The following SEC24B variants were observed in gnomAD, a reference collection of about 807,000 sequenced individuals.
SEC24B encodes the protein protein transport protein Sec24B.
Under a neutral mutation model 142.8 loss-of-function variants are expected in SEC24B, and 45 were observed. That is an observed-to-expected ratio of 0.32 (90% CI 0.25 to 0.40). The LOEUF is 0.40. Among genes scored for constraint, SEC24B ranks in the 10% least tolerant of loss-of-function variants. The probability of loss-of-function intolerance (pLI) is 1.00; values close to 1 mark genes in which losing one functional copy is unlikely to be tolerated. For synonymous variants in SEC24B, 574 were observed against 568.2 expected, an observed-to-expected ratio of 1.01 and a Z score of -0.15; for missense variants, 1,409 against 1,526.8, an observed-to-expected ratio of 0.92 and a Z score of 1.29.
rs764389139 is a variant in SEC24B at position 109,482,991 on chromosome 4, C to CATAT, written c.1165+1211_1165+1212insTATA. Among the ~76,000 whole-genome samples, 84 of 78,746 alleles carry CATAT rather than the reference C, an allele frequency of 1.1e-3. 1 individual carries two copies. The East Asian group carries it at 0.016, about 15-fold the overall frequency. The allele number at this position is 78,746 out of a possible 152,430, so 51.7% of individuals were successfully genotyped here. A position where few individuals can be genotyped will look rare whatever the true frequency, so the allele number is the denominator to read the frequency against. On this transcript the variant is annotated intron_variant, in intron 4 of 23. Coordinates refer to ENST00000265175, the MANE Select transcript of SEC24B (RefSeq NM_006323.5). ...ATATATATATATATACACACACACACACACACACACACATATTATACATAT... is the reference window on the plus strand; with the variant it reads ...ATATATATATATATACACACACACACATATACACACACACACATATTATACATAT...
At chr4:109,438,265 G>A (rs770723772) in intron 1 of SEC24B, among the ~76,000 whole-genome samples, 1 of 152,038 alleles carries the variant, frequency 6.6e-6, no homozygotes, top group Non-Finnish European at 1.5e-5. Context: ...TTTTATTTTT[G>A]CTAATTCCAA....
intron 1 of SEC24B, among the ~76,000 whole-genome samples, chr4:109,459,583 T>C (rs1389958496): frequency 6.6e-6 from 1 of 152,198 alleles, no homozygotes; most frequent in African/African-American, 2.4e-5. Flanking sequence ...TGATTAGATA[T>C]ATTAGATATT....
intron 2 of SEC24B, among the ~76,000 whole-genome samples, chr4:109,471,350 G>T (rs1002083865): frequency 3.3e-5 from 5 of 152,036 alleles, no homozygotes; most frequent in Admixed American, 1.3e-4. Flanking sequence ...TTGCCGTGTT[G>T]CCCAGGCTGG....
At position 109,463,549 on chromosome 4, in the gene SEC24B, CGTG is replaced by C. The variant is rs1561088569; in HGVS notation, c.785_787del (p.Trp262del). 1.2e-6 allele frequency: 2 copies of C among 1,614,196 alleles called. No individual in the cohort carries two copies. The highest frequency in any genetic ancestry group is 1.7e-5 in the Admixed American group (1 of 60,024). Reference sequence around the variant, plus strand: ...AGTCTTTCAGGATACAGTACTCTAACGTGGTCATCTCCAGGCCTTCCATCGACT... The same window carrying C: ...AGTCTTTCAGGATACAGTACTCTAACGTCATCTCCAGGCCTTCCATCGACT... On this transcript the variant is annotated inframe_deletion, in exon 2 of 24. Transcript: ENST00000265175.
intron 1 of SEC24B, among the ~76,000 whole-genome samples, chr4:109,445,439 T>G (rs1729364030): frequency 7.0e-6 from 1 of 142,826 alleles, no homozygotes; most frequent in African/African-American, 2.6e-5. Flanking sequence ...GGATTTTTAG[T>G]AGAGATGGTG....
At chr4:109,507,648 C>CT (rs963229569) in intron 7 of SEC24B, among the ~76,000 whole-genome samples, 4 of 151,544 alleles carry the variant, frequency 2.6e-5, no homozygotes, top group Non-Finnish European at 5.9e-5. Flanking sequence ...TTTTTTCTTT[C>CT]TTTTTTTTAT....
intron 18 of SEC24B, 35 bp from the exon 19 acceptor site, chr4:109,530,254 T>C: frequency 1.3e-6 from 2 of 1,566,934 alleles, no homozygotes; most frequent in Non-Finnish European, 1.7e-6. Context: ...TGGATTCTAA[T>C]GGTTAAAATA....
At chr4:109,477,910 C>A (rs971864602) in intron 3 of SEC24B, among the ~76,000 whole-genome samples, 1 of 152,132 alleles carries the variant, frequency 6.6e-6, no homozygotes, top group South Asian at 2.1e-4. Context: ...TGACTGAAAT[C>A]ACAGAATTTT....
At position 109,462,944 on chromosome 4, in the gene SEC24B, G is replaced by T; in HGVS notation, c.177G>T (p.Leu59Phe). ...NQMQVPSGYG[L>F]HHQNYIAPSG... ...TGCAGGTTCCATCTGGATATGGATT[G>T]CATCATCAAAACTATATTGCTCCCT... is the stretch of plus-strand genomic sequence containing the variant. Residue 59 changes from leucine to phenylalanine, a missense_variant, in exon 2 of 24, where the codon TTG (leucine) becomes TTT (phenylalanine). Coordinates refer to ENST00000265175, the MANE Select transcript of SEC24B (RefSeq NM_006323.5). 2 of 1,612,452 alleles carry T rather than the reference G, an allele frequency of 1.2e-6. No homozygotes were observed. The highest frequency in any genetic ancestry group is 2.7e-5 in the African/African-American group (2 of 75,016).
intron 6 of SEC24B, among the ~76,000 whole-genome samples, chr4:109,499,745 A>T (rs1217391723): frequency 6.6e-6 from 1 of 152,276 alleles, no homozygotes; most frequent in Non-Finnish European, 1.5e-5. Flanking sequence ...ATATAAAAGT[A>T]TAACACATAC....
chr4:109,525,440 C>T lies in SEC24B; in HGVS notation c.2727C>T (p.Asp909=), dbSNP rs377592966. Reference sequence around the variant, plus strand: ...CACAAGCAGAAAAGTTACAAAAAGACCTAAAACGGTATCTCACAAGAAAAA... The same window carrying T: ...CACAAGCAGAAAAGTTACAAAAAGATCTAAAACGGTATCTCACAAGAAAAA... The part of the protein sequence containing the change: ...NPSQAEKLQK[D]LKRYLTRKIG... The change falls in exon 16 of 24, where the codon GAC becomes GAT. Residue 909 remains aspartate, a synonymous_variant. Transcript: ENST00000265175. The T allele has an allele frequency of 4.7e-5, 75 of 1,611,432 alleles. No homozygotes were observed. The highest frequency in any genetic ancestry group is 2.5e-4 in the Admixed American group (15 of 59,788).
intron 12 of SEC24B, 49 bp from the exon 13 acceptor site, chr4:109,521,068 T>C (rs1723559327): frequency 3.5e-6 from 4 of 1,141,194 alleles, no homozygotes; most frequent in Non-Finnish European, 5.3e-6. Flanking sequence ...GATTTTCTAA[T>C]GTATTCTTTT....
At chr4:109,510,187 C>G in intron 8 of SEC24B, 76 bp downstream of exon 8, 1 of 682,674 alleles carries the variant, frequency 1.5e-6, no homozygotes, top group Non-Finnish European at 2.3e-6. Context: ...TTTATATTTT[C>G]TTAGAATTTT....
At chr4:109,452,615 G>T (rs1255519851) in intron 1 of SEC24B, among the ~76,000 whole-genome samples, 1 of 152,176 alleles carries the variant, frequency 6.6e-6, no homozygotes, top group Admixed American at 6.5e-5. Context: ...GTGTCTTGTT[G>T]TAATTTAATT....
At chr4:109,437,693 C>A (rs1211328882) in intron 1 of SEC24B, among the ~76,000 whole-genome samples, 1 of 152,066 alleles carries the variant, frequency 6.6e-6, no homozygotes, top group Admixed American at 6.5e-5. Context: ...GGCACGATCT[C>A]AGCTCACTGC....
intron 2 of SEC24B, among the ~76,000 whole-genome samples, chr4:109,467,539 T>G (rs181970942): frequency 6.6e-6 from 1 of 152,242 alleles, no homozygotes; most frequent in Admixed American, 6.5e-5. Flanking sequence ...AGAAGCTCTT[T>G]TTTAGTTTGA....
At chr4:109,452,323 G>A (rs1318837153) in intron 1 of SEC24B, among the ~76,000 whole-genome samples, 1 of 152,108 alleles carries the variant, frequency 6.6e-6, no homozygotes, top group Non-Finnish European at 1.5e-5. Flanking sequence ...CCCTTCCTCT[G>A]TTATCAGACA....
At chr4:109,441,755 G>A (rs574561107) in intron 1 of SEC24B, among the ~76,000 whole-genome samples, 115 of 152,302 alleles carry the variant, frequency 7.6e-4, no homozygotes, top group African/African-American at 2.6e-3. Context: ...CATTGTCGTG[G>A]TATCCAAGAA....
chr4:109,450,292 A>T (rs1444369284), intron 1 of SEC24B, among the ~76,000 whole-genome samples: 1 of 152,210 alleles, frequency 6.6e-6, no homozygotes, highest in Non-Finnish European at 1.5e-5. Flanking sequence ...GCTTATGTTC[A>T]AATCACCACA....
Sources: gnomAD v4.1 joint callset for allele counts (sites outside exome capture counted in the v4.1 genomes callset) on GRCh38, gnomAD v4.1.1 for gene constraint, MANE v1.5 for transcripts, NCBI Gene and HGNC (gene_info 2026-07-23, HGNC 2026-07-21) for gene names.